The following CASP5 variants were observed in gnomAD, a reference collection of about 807,000 sequenced individuals.
CASP5 encodes caspase 5, also known as caspase-5.
Under a neutral mutation model 45.2 loss-of-function variants are expected in CASP5, and 42 were observed. The observed-to-expected ratio is 0.93, with a 90% CI of 0.73 to 1.20. The LOEUF (loss-of-function observed/expected upper bound fraction) is 1.20, where lower values mean the gene tolerates loss of function less well. Ranked by LOEUF, CASP5 falls within the 50% of genes most tolerant of loss-of-function variation. The pLI, the probability that CASP5 is intolerant of heterozygous loss-of-function variation, is 0.00. For synonymous variants in CASP5, 209 were observed against 186.2 expected (o/e 1.12, Z -1.00); for missense variants, 512 against 532.2 (o/e 0.96, Z 0.37).
At chr11:105,017,951 A>G (rs370389704) in intron 1 of CASP5, among the ~76,000 whole-genome samples, 4 of 152,220 alleles carry the variant, frequency 2.6e-5, no homozygotes, top group South Asian at 2.1e-4. Flanking sequence ...GACTAACAGC[A>G]GATCTCTCGG....
At chr11:105,011,761 T>A (rs1353817704) in intron 1 of CASP5, among the ~76,000 whole-genome samples, 1 of 151,658 alleles carries the variant, frequency 6.6e-6, no homozygotes, top group Non-Finnish European at 1.5e-5. Context: ...TATATACTCA[T>A]AACTATAAAA....
intron 1 of CASP5, among the ~76,000 whole-genome samples, chr11:105,009,744 TATATATATATATATACAC>T (rs1482960725): frequency 4.3e-5 from 3 of 69,324 alleles, no homozygotes; most frequent in African/African-American, 2.3e-4. Context: ...TATATATATA[TATATATATATATATACAC>T]ACACACACGT....
chr11:105,000,059 G>A (rs1042806246), intron 6 of CASP5, among the ~76,000 whole-genome samples: 3 of 152,140 alleles, frequency 2.0e-5, no homozygotes, highest in Non-Finnish European at 2.9e-5. Flanking sequence ...CACTATCACC[G>A]TGGATAAAAT....
At chr11:105,020,406 C>A (rs573626719) in intron 1 of CASP5, among the ~76,000 whole-genome samples, 2 of 150,892 alleles carry the variant, frequency 1.3e-5, no homozygotes, top group South Asian at 2.1e-4. Flanking sequence ...ATCTAGAAAA[C>A]CCCATTGTCT....
At position 104,997,527 on chromosome 11, in the gene CASP5, G is replaced by T. The variant is rs182955793; in HGVS notation, c.1097-35C>A. Reference sequence around the variant, plus strand: ...TACAGCCTGGTATGCCTTGGGCTACGACTTTCACTATGTTTTTGTTTATAT... The same window carrying T: ...TACAGCCTGGTATGCCTTGGGCTACTACTTTCACTATGTTTTTGTTTATAT... On this transcript the variant is annotated intron_variant, in intron 7 of 9. Transcript: ENST00000260315. 3 of 1,291,538 alleles carry T rather than the reference G, an allele frequency of 2.3e-6. No homozygotes were observed. In the East Asian group the frequency reaches 7.1e-5, roughly 31 times the overall value. 80.0% of individuals were successfully genotyped at this position (1,291,538 alleles called of 1,614,324 possible). A position where few individuals can be genotyped will look rare whatever the true frequency, so the allele number is the denominator to read the frequency against.
At chr11:105,009,720 C>CACATATATAT (rs1376205553) in intron 1 of CASP5, among the ~76,000 whole-genome samples, 4 of 64,088 alleles carry the variant, frequency 6.2e-5, no homozygotes, top group Non-Finnish European at 1.3e-4. Context: ...TATATACACA[C>CACATATATAT]ATATATATAT....
rs752221620 is a variant in CASP5 at position 105,008,820 on chromosome 11, C to T, written c.168G>A (p.Ser56=). 19 of 1,605,794 alleles carry T rather than the reference C, an allele frequency of 1.2e-5. No homozygotes were observed. In the Admixed American group the frequency reaches 1.5e-4, roughly 13 times the overall value. Reference sequence around the variant, plus strand: ...ATCCAGTCTTACTTTTTACACTGGTCGACTTTTGATCCGTATTAGGTACTA... The same window carrying T: ...ATCCAGTCTTACTTTTTACACTGGTTGACTTTTGATCCGTATTAGGTACTA... ...QTLVPNTDQK[S]TSVKKDNHKK... is the part of the protein sequence containing the mutation. The change falls in exon 2 of 10, where the codon TCG becomes TCA. Residue 56 remains serine, a synonymous_variant. Transcript: ENST00000260315.
intron 1 of CASP5, among the ~76,000 whole-genome samples, chr11:105,016,433 G>T (rs916219342): frequency 3.3e-5 from 5 of 152,290 alleles, no homozygotes; most frequent in South Asian, 2.1e-4. Flanking sequence ...GACAGTGGGC[G>T]CAGGTCAGTG....
intron 5 of CASP5, among the ~76,000 whole-genome samples, chr11:105,001,070 G>A (rs559553979): frequency 2.6e-5 from 4 of 152,246 alleles, no homozygotes; most frequent in South Asian, 2.1e-4. Flanking sequence ...CGGTAGTGCC[G>A]TCCAACTCCT....
intron 3 of CASP5, among the ~76,000 whole-genome samples, chr11:105,004,087 G>C (rs891294882): frequency 1.3e-5 from 2 of 151,950 alleles, no homozygotes; most frequent in African/African-American, 4.8e-5. Flanking sequence ...ACTTTTATGT[G>C]AATTAATAAT....
At chr11:105,019,271 C>G (rs1281298176) in intron 1 of CASP5, among the ~76,000 whole-genome samples, 1 of 150,110 alleles carries the variant, frequency 6.7e-6, no homozygotes, top group Non-Finnish European at 1.5e-5. Context: ...CAAACACATT[C>G]AAAAGCTAGC....
At chr11:105,012,364 G>A (rs1200066971) in intron 1 of CASP5, among the ~76,000 whole-genome samples, 1 of 151,670 alleles carries the variant, frequency 6.6e-6, no homozygotes, top group African/African-American at 2.4e-5. Flanking sequence ...AATGACACTG[G>A]TATAGACAAT....
At chr11:105,017,532 G>C (rs1348950526) in intron 1 of CASP5, among the ~76,000 whole-genome samples, 1 of 152,046 alleles carries the variant, frequency 6.6e-6, no homozygotes, top group African/African-American at 2.4e-5. Flanking sequence ...GAGCCGATGC[G>C]ATCAACTGGA....
intron 6 of CASP5, among the ~76,000 whole-genome samples, chr11:104,999,468 T>C (rs1428969084): frequency 6.6e-6 from 1 of 152,178 alleles, no homozygotes; most frequent in African/African-American, 2.4e-5. Flanking sequence ...TGATGGACAT[T>C]TGGGTTGGAT....
chr11:105,001,341 C>A (rs1253536096), intron 5 of CASP5, among the ~76,000 whole-genome samples: 1 of 152,186 alleles, frequency 6.6e-6, no homozygotes, highest in Admixed American at 6.5e-5. Flanking sequence ...AAGCTCTTGG[C>A]CCCAAAGTTT....
chr11:105,013,464 C>A (rs2134740741), intron 1 of CASP5, among the ~76,000 whole-genome samples: 2 of 152,102 alleles, frequency 1.3e-5, no homozygotes, highest in Middle Eastern at 6.8e-3. Context: ...TTATTTAGCT[C>A]TTTAGGCATT....
Position 105,007,078 on chromosome 11 carries a change from C to T in CASP5, c.433+5G>A, listed in dbSNP as rs377129363. 10 of 1,608,724 alleles carry T rather than the reference C, an allele frequency of 6.2e-6. No individual in the cohort carries two copies. Among genetic ancestry groups the T allele is most frequent in the African/African-American group, 4.0e-5 (3 of 74,534 alleles). ...ACATATTTATCGTGTTAGATGCAACCTTACGTTTTACACTGGTGATCTTTT... is the reference window on the plus strand; with the variant it reads ...ACATATTTATCGTGTTAGATGCAACTTTACGTTTTACACTGGTGATCTTTT... On this transcript the variant is annotated splice_donor_5th_base_variant and intron_variant, in intron 3 of 9. Coordinates refer to ENST00000260315, the MANE Select transcript of CASP5 (RefSeq NM_004347.5).
At chr11:105,002,373 T>C (rs1861783200) in intron 4 of CASP5, among the ~76,000 whole-genome samples, 172 bp from the exon 5 acceptor site, 1 of 152,140 alleles carries the variant, frequency 6.6e-6, no homozygotes, top group South Asian at 2.1e-4. Flanking sequence ...CCAGGACATA[T>C]CTGGAATGAT....
Position 105,008,930 on chromosome 11 carries a change from C to A in CASP5, c.58G>T (p.Gly20Cys). ...TTATCCAATCCACTCTGAAGGATAC[C>A]TTTGAACATAGCTTCAAAATTCTTA... ...RRKNFEAMFK[G>C]ILQSGLDNFV... Residue 20 changes from glycine (G) to cysteine (C), a missense_variant, in exon 2 of 10, where the codon GGT (glycine) becomes TGT (cysteine). By Grantham distance (159) the Gly-to-Cys change is radical. Transcript: ENST00000260315. The A allele has an allele frequency of 1.2e-6, 2 of 1,610,940 alleles. No homozygotes were observed. The highest frequency in any genetic ancestry group is 2.2e-5 in the East Asian group (1 of 44,850).
Sources: gnomAD v4.1 joint callset for allele counts (sites outside exome capture counted in the v4.1 genomes callset) on GRCh38, gnomAD v4.1.1 for gene constraint, MANE v1.5 for transcripts, NCBI Gene and HGNC (gene_info 2026-07-23, HGNC 2026-07-21) for gene names.